The following PSMD13 variants were observed in gnomAD, a reference collection of about 807,000 sequenced individuals.
PSMD13 encodes 26S proteasome non-ATPase regulatory subunit 13.
In PSMD13, 8 loss-of-function variants were observed where a neutral mutation model predicts 57.4. That is an observed-to-expected ratio of 0.14 (90% CI 0.08 to 0.25). The LOEUF is 0.25. PSMD13 is among the 10% of genes least tolerant of loss of function. PSMD13 has a pLI of 1.00. For missense variants in PSMD13, 400 were observed against 461.5 expected (o/e 0.87, Z 1.22); for synonymous variants, 193 against 168.2 (o/e 1.15, Z -1.14).
At chr11:250,972 C>A in intron 10 of PSMD13, 107 bp downstream of exon 10, 1 of 954,756 alleles carries the variant, frequency 1.0e-6, no homozygotes, top group Non-Finnish European at 1.7e-6. Context: ...TTCAGTGGTG[C>A]TGCTTCTGCT....
At position 244,171 on chromosome 11, in the gene PSMD13, T is replaced by C. The variant is rs1128321; in HGVS notation, c.220T>C (p.Leu74=). The stretch of plus-strand genomic sequence containing the variant: ...TGGCTTTTATTTCAGGGTGAACCCT[T>C]TGTCCCTCGTGGAAATCATTCTTCA... ...ISEFEHRVNP[L]SLVEIILHVV... Residue 74 remains leucine, a synonymous_variant, in exon 4 of 13, where the codon TTG becomes CTG. Transcript: ENST00000532097. The C allele has an allele frequency of 0.77, 1,195,584 of 1,544,454 alleles. 470,261 individuals are homozygous for C. The highest frequency in any genetic ancestry group is 0.89 in the African/African-American group (65,800 of 73,990).
rs188150985 is a variant in PSMD13, at chr11:237,008, A to G, written c.-42A>G. The G allele has an allele frequency of 3.1e-5, 47 of 1,523,650 alleles. No individual in the cohort carries two copies. Among genetic ancestry groups the G allele is most frequent in the Non-Finnish European group, 3.5e-5 (39 of 1,099,894 alleles). The allele number at this position is 1,523,650 out of a possible 1,614,324, so 94.4% of individuals were successfully genotyped here. A position where few individuals can be genotyped will look rare whatever the true frequency, so the allele number is the denominator to read the frequency against. On this transcript the variant is annotated 5_prime_UTR_variant, in exon 1 of 13. Transcript: ENST00000532097. ...TCCGGCAGCCATCCCCGCGGTGCTG[A>G]CATCCCGGTTGTTCTTCTGTGCCGG...
At position 237,059 on chromosome 11, in the gene PSMD13, G is replaced by C. The variant is rs758762295; in HGVS notation, c.10G>C (p.Val4Leu). The change falls in exon 1 of 13, where the codon GTA becomes CTA. Residue 4 changes from valine (V) to leucine (L), a missense_variant. By Grantham distance (32) the Val-to-Leu change is conservative. Coordinates refer to ENST00000532097, the MANE Select transcript of PSMD13 (RefSeq NM_002817.4). MKD[V>L]PGFLQQSQNS... ...GGGTCTTCCTGCTGTCATGAAGGACGTACCGGGCTTCCTACAGCAGAGCCA... is the reference window on the plus strand; with the variant it reads ...GGGTCTTCCTGCTGTCATGAAGGACCTACCGGGCTTCCTACAGCAGAGCCA... The C allele has an allele frequency of 1.7e-5, 27 of 1,613,726 alleles. No individual in the cohort carries two copies. The highest frequency in any genetic ancestry group is 2.7e-5 in the African/African-American group (2 of 75,040).
rs549963101 is a variant in PSMD13, at chr11:242,891, G to A, written c.175-1150G>A. Reference sequence around the variant, plus strand: ...GCTCACAGCAACCTCTGCCTCCCTGGTTCAAGCGATTCTTCTGCCTCAGCC... The same window carrying A: ...GCTCACAGCAACCTCTGCCTCCCTGATTCAAGCGATTCTTCTGCCTCAGCC... On this transcript the variant is annotated intron_variant, in intron 2 of 12. Coordinates refer to ENST00000532097, the MANE Select transcript of PSMD13 (RefSeq NM_002817.4). Among the ~76,000 whole-genome samples, 361 of 152,124 alleles carry A rather than the reference G, an allele frequency of 2.4e-3. 3 individuals are homozygous for A. Among genetic ancestry groups the A allele is most frequent in the Middle Eastern group, 6.8e-3 (2 of 294 alleles).
Position 251,469 on chromosome 11 carries a change from AT to A in PSMD13, c.838-75del. On this transcript the variant is annotated intron_variant, in intron 10 of 12. Coordinates refer to ENST00000532097, the MANE Select transcript of PSMD13 (RefSeq NM_002817.4). This position sits in a 1 kb window ranked among gnomAD's most constrained non-coding sequence, Gnocchi z 4.6. Reference sequence around the variant, plus strand: ...TAAGATCTCTATTTTCAGAGCCAATATTGACAAAACATCCTTATCAGTTCTC... The same window carrying A: ...TAAGATCTCTATTTTCAGAGCCAATATGACAAAACATCCTTATCAGTTCTC... 1 of 1,299,606 alleles carries A rather than the reference AT, an allele frequency of 7.7e-7. No individual in the cohort carries two copies. Among genetic ancestry groups the A allele is most frequent in the Non-Finnish European group, 1.1e-6 (1 of 927,308 alleles). 80.5% of individuals were successfully genotyped at this position (1,299,606 alleles called of 1,614,324 possible). A position where few individuals can be genotyped will look rare whatever the true frequency, so the allele number is the denominator to read the frequency against.
Position 251,371 on chromosome 11 carries a change from TA to T in PSMD13, c.838-173del. 1.6e-6 allele frequency: 1 copy of T among 607,786 alleles called. No homozygotes were observed. 37.6% of individuals were successfully genotyped at this position (607,786 alleles called of 1,614,324 possible). A position where few individuals can be genotyped will look rare whatever the true frequency, so the allele number is the denominator to read the frequency against. ...GCATTTTGCTGTTATCCTTCTTATC[TA>T]AGCATTAAAAGCTTGTTCTTAACAA... is the stretch of plus-strand genomic sequence containing the variant. On this transcript the variant is annotated intron_variant, in intron 10 of 12. Transcript: ENST00000532097. The surrounding 1 kb of genome is among the most constrained non-coding windows in gnomAD (Gnocchi z 4.6).
At chr11:247,773 C>T (rs760426401) in intron 7 of PSMD13, 11 of 199,634 alleles carry the variant, frequency 5.5e-5, no homozygotes, top group South Asian at 3.6e-4. Context: ...GTGGAGGTTG[C>T]AGTGAGCCAA....
At position 237,040 on chromosome 11, in the gene PSMD13, T is replaced by A. The variant is rs1347065045; in HGVS notation, c.-10T>A. The A allele has an allele frequency of 1.2e-6, 2 of 1,609,952 alleles. No individual in the cohort carries two copies. The highest frequency in any genetic ancestry group is 2.2e-5 in the South Asian group (2 of 90,932). On this transcript the variant is annotated 5_prime_UTR_variant, in exon 1 of 13. Transcript: ENST00000532097. ...GGTTGTTCTTCTGTGCCGGGGGTCT[T>A]CCTGCTGTCATGAAGGACGTACCGG...
At chr11:245,714 GTGTGTGT>G (rs1859633222) in intron 6 of PSMD13, among the ~76,000 whole-genome samples, 1 of 92,828 alleles carries the variant, frequency 1.1e-5, no homozygotes, top group African/African-American at 5.0e-5. Flanking sequence ...GTGTGTGTTT[GTGTGTGT>G]GTGTTTGTGT....
At chr11:245,712 T>C (rs139843538) in intron 6 of PSMD13, among the ~76,000 whole-genome samples, 1 of 37,682 alleles carries the variant, frequency 2.7e-5, no homozygotes, top group Admixed American at 2.8e-4. Flanking sequence ...TTGTGTGTGT[T>C]TGTGTGTGTG....
chr11:248,742 C>A, intron 7 of PSMD13, 34 bp from the exon 8 acceptor site: 2 of 1,595,006 alleles, frequency 1.3e-6, no homozygotes, highest in African/African-American at 1.3e-5. Flanking sequence ...ATTATTATGA[C>A]TGGATTGTAA....
chr11:247,617 A>C, intron 7 of PSMD13, 169 bp downstream of exon 7: 1 of 656,758 alleles, frequency 1.5e-6, no homozygotes, highest in Admixed American at 3.5e-5. Flanking sequence ...GGATCACCTG[A>C]GGTCAGGAGT....
Position 243,666 on chromosome 11 carries a change from C to T in PSMD13, c.175-375C>T, listed in dbSNP as rs1366865408. 3.9e-5 allele frequency among the ~76,000 whole-genome samples: 6 copies of T among 152,194 alleles called. 1 individual carries two copies. In the South Asian group the frequency reaches 1.0e-3, roughly 26 times the overall value. ...ATCTTCACAAGGGTCCAAATACCAA[C>T]AGCCCGGAAGCCACAGGGAGAGAAC... On this transcript the variant is annotated intron_variant, in intron 2 of 12. Coordinates refer to ENST00000532097, the MANE Select transcript of PSMD13 (RefSeq NM_002817.4).
At chr11:239,676 G>A (rs942589991) in intron 2 of PSMD13, among the ~76,000 whole-genome samples, 9 of 152,060 alleles carry the variant, frequency 5.9e-5, no homozygotes, top group African/African-American at 1.7e-4. Context: ...CTGTAATAGA[G>A]GACTTTTAGA....
intron 2 of PSMD13, chr11:243,530 A>C (rs925282837): frequency 2.1e-5 from 7 of 337,762 alleles, no homozygotes; most frequent in African/African-American, 1.1e-4. Flanking sequence ...CAACAGCCTT[A>C]CTTATGGGAT....
At chr11:241,974 C>T (rs938532427) in intron 2 of PSMD13, among the ~76,000 whole-genome samples, 1 of 152,052 alleles carries the variant, frequency 6.6e-6, no homozygotes, top group Non-Finnish European at 1.5e-5. Flanking sequence ...TGCTTTTGCA[C>T]ATGTTTGTTA....
At position 250,683 on chromosome 11, in the gene PSMD13, T is replaced by C. The variant is rs973020385; in HGVS notation, c.775-120T>C. On this transcript the variant is annotated intron_variant, in intron 9 of 12. Coordinates refer to ENST00000532097, the MANE Select transcript of PSMD13 (RefSeq NM_002817.4). ...TCAGCAGTCTGCAATGTGAAATGTT[T>C]GGATCTGCTTAGCTGGTTTTTGTTG... The C allele has an allele frequency of 8.7e-6, 7 of 804,650 alleles. No homozygotes were observed. The African/African-American group carries it at 1.0e-4, about 12-fold the overall frequency. The allele number at this position is 804,650 out of a possible 1,614,324, so 49.8% of individuals were successfully genotyped here.
In PSMD13 at chr11:252,767, G is replaced by C. The variant is rs1042173667; in HGVS notation, c.*167G>C. The stretch of plus-strand genomic sequence containing the variant: ...AAAAACAGGACTGTCCCTGATGGGA[G>C]CCAGGCCACAGGGAGGAGGCTTCTT... On this transcript the variant is annotated 3_prime_UTR_variant, in exon 13 of 13. Coordinates refer to ENST00000532097, the MANE Select transcript of PSMD13 (RefSeq NM_002817.4). This position sits in a 1 kb window ranked among gnomAD's most constrained non-coding sequence, Gnocchi z 4.1. The C allele has an allele frequency of 1.1e-5, 7 of 614,976 alleles. No individual in the cohort carries two copies. Among genetic ancestry groups the C allele is most frequent in the African/African-American group, 7.4e-5 (4 of 54,036 alleles). 38.1% of individuals were successfully genotyped at this position (614,976 alleles called of 1,614,324 possible).
intron 2 of PSMD13, 70 bp from the exon 3 acceptor site, chr11:243,971 A>G (rs896163290): frequency 1.8e-5 from 26 of 1,458,666 alleles, no homozygotes; most frequent in Middle Eastern, 2.0e-4. Flanking sequence ...TACCAAAGAT[A>G]GTGTTTGGGG....
Sources: allele counts gnomAD v4.1 joint callset (sites outside exome capture counted in the v4.1 genomes callset), GRCh38; gene constraint gnomAD v4.1.1; non-coding constraint Gnocchi (gnomAD v3.1); transcripts MANE v1.5; gene names NCBI Gene and HGNC (gene_info 2026-07-23, HGNC 2026-07-21).